INTS8: variants seen among roughly 807,000 people sequenced by gnomAD.
The protein encoded by INTS8 is protein kaonashi-1.
Under a neutral mutation model 138.9 loss-of-function variants are expected in INTS8, and 47 were observed. That is an observed-to-expected ratio of 0.34 (90% confidence interval 0.27 to 0.43). The LOEUF (loss-of-function observed/expected upper bound fraction) is 0.43, where lower values mean the gene tolerates loss of function less well. Among genes scored for constraint, INTS8 ranks in the 20% least tolerant of loss-of-function variants. The probability of loss-of-function intolerance (pLI) is 1.00; values close to 1 mark genes in which losing one functional copy is unlikely to be tolerated. For missense variants in INTS8, 996 were observed against 1,173.0 expected (o/e 0.85, Z 2.20); for synonymous variants, 392 against 400.9 (o/e 0.98, Z 0.27).
At chr8:94,826,857 G>A (rs111583719) in intron 2 of INTS8, among the ~76,000 whole-genome samples, 2,364 of 152,288 alleles carry the variant, frequency 0.016, 62 homozygotes, top group African/African-American at 0.054. Flanking sequence ...TGTAATCCCA[G>A]CACTGTGGGA....
chr8:94,834,911 A>C (rs1420570268), intron 6 of INTS8, among the ~76,000 whole-genome samples: 2 of 152,150 alleles, frequency 1.3e-5, no homozygotes, highest in Non-Finnish European at 2.9e-5. Flanking sequence ...TCTGTTGCCA[A>C]AGGTTGGTTT....
chr8:94,848,749 T>C lies in INTS8; in HGVS notation c.1261-713T>C, dbSNP rs189147720. 1.5e-4 allele frequency among the ~76,000 whole-genome samples: 23 copies of C among 152,330 alleles called. 1 individual carries two copies. Among genetic ancestry groups the C allele is most frequent in the African/African-American group, 5.3e-4 (22 of 41,584 alleles). On this transcript the variant is annotated intron_variant, in intron 10 of 26. Coordinates refer to ENST00000523731, the MANE Select transcript of INTS8 (RefSeq NM_017864.4). ...CAGGTTACTTATACTTTTTGGCTACTATGATTAATACTACTATGAACATTC... is the reference window on the plus strand; with the variant it reads ...CAGGTTACTTATACTTTTTGGCTACCATGATTAATACTACTATGAACATTC...
At chr8:94,865,927 A>T (rs1223871032) in intron 17 of INTS8, among the ~76,000 whole-genome samples, 3 of 152,220 alleles carry the variant, frequency 2.0e-5, no homozygotes, top group African/African-American at 7.2e-5. Flanking sequence ...TCATTTAATC[A>T]ACTGGAATTC....
chr8:94,842,973 A>G (rs1057384559), intron 10 of INTS8, among the ~76,000 whole-genome samples: 2 of 152,184 alleles, frequency 1.3e-5, no homozygotes, highest in African/African-American at 2.4e-5. Flanking sequence ...AGATAATACC[A>G]CTTACTTCCA....
Position 94,880,298 on chromosome 8 carries a change from G to C in INTS8, c.*64G>C. 1.2e-6 allele frequency: 1 copy of C among 851,998 alleles called. No individual in the cohort carries two copies. The highest frequency in any genetic ancestry group is 1.6e-5 in the South Asian group (1 of 62,900). The allele number at this position is 851,998 out of a possible 1,614,324, so 52.8% of individuals were successfully genotyped here. A position where few individuals can be genotyped will look rare whatever the true frequency, so the allele number is the denominator to read the frequency against. On this transcript the variant is annotated 3_prime_UTR_variant, in exon 27 of 27. Coordinates refer to ENST00000523731, the MANE Select transcript of INTS8 (RefSeq NM_017864.4). ...GGCTAAAAATAAACAGTATTAAAAG[G>C]TTAAGTTTATATAATACATATGTAC...
intron 2 of INTS8, 46 bp downstream of exon 2, chr8:94,825,113 A>G: frequency 7.6e-7 from 1 of 1,317,694 alleles, no homozygotes; most frequent in Non-Finnish European, 1.1e-6. Context: ...CTATTTAGAT[A>G]TCTTGGTTTA....
chr8:94,827,654 T>C, intron 3 of INTS8, 68 bp from the exon 4 acceptor site: 1 of 1,302,536 alleles, frequency 7.7e-7, no homozygotes, highest in Non-Finnish European at 1.1e-6. Context: ...ACCTAAGGAG[T>C]ACTTGAAAAA....
At chr8:94,829,555 G>A (rs1814636326) in intron 5 of INTS8, among the ~76,000 whole-genome samples, 1 of 152,152 alleles carries the variant, frequency 6.6e-6, no homozygotes, top group Non-Finnish European at 1.5e-5. Context: ...TTCCTGCTGT[G>A]CAGCCTGGTT....
chr8:94,843,392 T>G (rs1275125714), intron 10 of INTS8, among the ~76,000 whole-genome samples: 3 of 152,018 alleles, frequency 2.0e-5, no homozygotes, highest in Non-Finnish European at 4.4e-5. Context: ...ATAGTGAAAC[T>G]CCGTCTCTAC....
In INTS8 at chr8:94,880,132, CCAGA is replaced by C. The variant is rs776039932; in HGVS notation, c.2891_2894del (p.Thr964SerfsTer2). ...TGTTTTGGAAGATCAAAGCCATCGG[CCAGA>C]CAGAGTTGAATGCAAGCAATCCAGA... On this transcript the variant is annotated frameshift_variant, in exon 27 of 27. Coordinates refer to ENST00000523731, the MANE Select transcript of INTS8 (RefSeq NM_017864.4). LOFTEE classifies it high-confidence loss of function. 4 of 1,607,156 alleles carry C rather than the reference CCAGA, an allele frequency of 2.5e-6. No individual in the cohort carries two copies. Among genetic ancestry groups the C allele is most frequent in the Non-Finnish European group, 2.5e-6 (3 of 1,177,800 alleles).
chr8:94,857,535 T>C (rs1815796616), intron 15 of INTS8, among the ~76,000 whole-genome samples: 1 of 152,176 alleles, frequency 6.6e-6, no homozygotes, highest in South Asian at 2.1e-4. Context: ...AAATATATTA[T>C]CTCCCAGTTC....
intron 8 of INTS8, among the ~76,000 whole-genome samples, chr8:94,840,559 G>GT (rs11395069): frequency 0.72 from 98,275 of 136,418 alleles, 35,588 homozygotes; most frequent in Middle Eastern, 0.78. Flanking sequence ...TTTTTAATTA[G>GT]TTTTTTTTTT....
In INTS8 at chr8:94,838,446, T is replaced by A. The variant is rs368747539; in HGVS notation, c.862-17T>A. On this transcript the variant is annotated splice_polypyrimidine_tract_variant and intron_variant, in intron 7 of 26. Coordinates refer to ENST00000523731, the MANE Select transcript of INTS8 (RefSeq NM_017864.4). ...TATTACATGAATGGATAATGGTGTA[T>A]ACCTCTTACTTTACAGATAGGTTCA... 1 of 1,593,520 alleles carries A rather than the reference T, an allele frequency of 6.3e-7. No homozygotes were observed. The highest frequency in any genetic ancestry group is 2.2e-5 in the East Asian group (1 of 44,788).
intron 22 of INTS8, 55 bp downstream of exon 22, chr8:94,873,532 TG>T: frequency 8.7e-7 from 1 of 1,150,914 alleles, no homozygotes; most frequent in Non-Finnish European, 1.3e-6. Flanking sequence ...ATGTTCTTCC[TG>T]GGTCCCCTTT....
chr8:94,854,139 A>G (rs953779999), intron 14 of INTS8, among the ~76,000 whole-genome samples: 3 of 140,782 alleles, frequency 2.1e-5, no homozygotes, highest in South Asian at 2.2e-4. Flanking sequence ...GGAGAATCTC[A>G]TGGGAGGTGG....
intron 23 of INTS8, 117 bp downstream of exon 23, chr8:94,874,719 A>G: frequency 1.7e-6 from 1 of 587,978 alleles, no homozygotes; most frequent in Non-Finnish European, 3.0e-6. Context: ...CACTTAGGGT[A>G]TGTAAGAGTT....
chr8:94,863,356 GT>G (rs1265892444), intron 16 of INTS8, among the ~76,000 whole-genome samples: 13 of 152,362 alleles, frequency 8.5e-5, no homozygotes, highest in African/African-American at 2.9e-4. Flanking sequence ...TGCACACGCT[GT>G]TTGTCACATT....
intron 26 of INTS8, 60 bp from the exon 27 acceptor site, chr8:94,880,058 G>A (rs1451868288): frequency 3.5e-6 from 4 of 1,144,350 alleles, no homozygotes; most frequent in Non-Finnish European, 5.2e-6. Context: ...TATATTACTT[G>A]TACCAACAAA....
At chr8:94,826,613 G>A (rs938064671) in intron 2 of INTS8, among the ~76,000 whole-genome samples, 11 of 152,130 alleles carry the variant, frequency 7.2e-5, no homozygotes, top group African/African-American at 1.9e-4. Context: ...AATTAATATT[G>A]TGATTATGTT....
Sources: gnomAD v4.1 joint callset for allele counts (sites outside exome capture counted in the v4.1 genomes callset) on GRCh38, gnomAD v4.1.1 for gene constraint, MANE v1.5 for transcripts, NCBI Gene and HGNC (gene_info 2026-07-23, HGNC 2026-07-21) for gene names.